XKR4: variants seen among roughly 807,000 people sequenced by gnomAD.
XKR4 encodes the protein XK related 4, also known as XK-related protein 4.
A neutral mutation model predicts 53.9 loss-of-function variants in XKR4; 12 were observed. The observed-to-expected ratio is 0.22, with a 90% CI of 0.14 to 0.36. XKR4 has a LOEUF of 0.36. XKR4 is among the 10% of genes least tolerant of loss of function. The probability of loss-of-function intolerance (pLI) is 1.00; values close to 1 mark genes in which losing one functional copy is unlikely to be tolerated. For synonymous variants in XKR4, 354 were observed against 362.4 expected (o/e 0.98, Z 0.26); for missense variants, 799 against 859.5 (o/e 0.93, Z 0.88).
intron 2 of XKR4, among the ~76,000 whole-genome samples, chr8:55,386,924 T>G (rs1367370377): frequency 1.3e-5 from 2 of 152,238 alleles, no homozygotes; most frequent in East Asian, 3.8e-4. Flanking sequence ...AACAAATGTC[T>G]ATTGCTTGTG....
In XKR4 at chr8:55,371,921, T is replaced by C. The variant is rs1804074269; in HGVS notation, c.1006+14044T>C. Among the ~76,000 whole-genome samples, 4 of 152,234 alleles carry C rather than the reference T, an allele frequency of 2.6e-5. No individual in the cohort carries two copies. The South Asian group carries it at 8.3e-4, about 31-fold the overall frequency. ...TAATATGAAATAAGGGGCCTGACTA[T>C]TTTTAGGTTCTACTTAATTATCTCC... On this transcript the variant is annotated intron_variant, in intron 2 of 2. Transcript: ENST00000327381.
At chr8:55,289,961 G>A (rs954423131) in intron 1 of XKR4, among the ~76,000 whole-genome samples, 3 of 152,102 alleles carry the variant, frequency 2.0e-5, no homozygotes, top group Admixed American at 1.3e-4. Flanking sequence ...CGCTTATAAT[G>A]TATGACTGGT....
intron 2 of XKR4, among the ~76,000 whole-genome samples, chr8:55,366,412 G>A (rs1803987211): frequency 6.6e-6 from 1 of 152,304 alleles, no homozygotes; most frequent in Non-Finnish European, 1.5e-5. Flanking sequence ...AAAAGCAGGC[G>A]CTCTAGATCA....
intron 1 of XKR4, among the ~76,000 whole-genome samples, chr8:55,240,365 G>A (rs986950263): frequency 3.0e-4 from 45 of 152,276 alleles, no homozygotes; most frequent in African/African-American, 1.1e-3. Flanking sequence ...AAGATATATA[G>A]TCCATGTGTT....
intron 1 of XKR4, among the ~76,000 whole-genome samples, chr8:55,315,150 A>G (rs908959751): frequency 6.6e-6 from 1 of 152,208 alleles, no homozygotes; most frequent in Admixed American, 6.5e-5. Context: ...AGGGAGACCT[A>G]TTTTAAATGA....
intron 1 of XKR4, among the ~76,000 whole-genome samples, chr8:55,196,175 CTTTTTTTT>C (rs1032613430): frequency 7.9e-6 from 1 of 125,946 alleles, no homozygotes. Context: ...GTTGTGCTTC[CTTTTTTTT>C]TTTTTTTTTT....
At chr8:55,451,501 G>T (rs1350877175) in intron 2 of XKR4, 3 of 1,060,706 alleles carry the variant, frequency 2.8e-6, no homozygotes, top group African/African-American at 3.1e-5. Flanking sequence ...GCCTGGAGAA[G>T]GTGCGTTCTG....
rs1051785369 is a variant in XKR4, at chr8:55,157,649, GT to G, written c.806+54363del. On this transcript the variant is annotated intron_variant, in intron 1 of 2. Transcript: ENST00000327381. ...TAATAAGCATAGTACCTGATGGGTA[GT>G]TTTTTTTATTCTCACCCTCTTCCCA... Among the ~76,000 whole-genome samples the G allele has an allele frequency of 2.6e-5, 4 of 151,992 alleles. 1 individual carries two copies. Among genetic ancestry groups the G allele is most frequent in the Middle Eastern group, 6.3e-3 (2 of 316 alleles).
chr8:55,391,620 T>C (rs1383008183), intron 2 of XKR4, among the ~76,000 whole-genome samples: 1 of 152,078 alleles, frequency 6.6e-6, no homozygotes, highest in Non-Finnish European at 1.5e-5. Flanking sequence ...ATAAAGAATA[T>C]ACAAAAGAAT....
At chr8:55,376,875 C>CCTCT (rs144607620) in intron 2 of XKR4, among the ~76,000 whole-genome samples, 3 of 148,002 alleles carry the variant, frequency 2.0e-5, no homozygotes, top group Non-Finnish European at 4.5e-5. Flanking sequence ...CATCTCTCAC[C>CCTCT]CTCTCTCTCT....
At chr8:55,222,745 T>G (rs1489589645) in intron 1 of XKR4, among the ~76,000 whole-genome samples, 1 of 152,218 alleles carries the variant, frequency 6.6e-6, no homozygotes, top group Non-Finnish European at 1.5e-5. Flanking sequence ...ACTACACATG[T>G]ATATACAAGG....
intron 2 of XKR4, among the ~76,000 whole-genome samples, chr8:55,360,107 C>G (rs1424338770): frequency 1.3e-5 from 2 of 152,134 alleles, no homozygotes; most frequent in Non-Finnish European, 2.9e-5. Flanking sequence ...AGAATCAATG[C>G]AAGTCATTGA....
chr8:55,484,699 G>C (rs1806166912), intron 2 of XKR4, among the ~76,000 whole-genome samples: 2 of 152,308 alleles, frequency 1.3e-5, no homozygotes, highest in African/African-American at 4.8e-5. Context: ...TGAATCATTA[G>C]ATTGAGTAAA....
chr8:55,252,929 T>G (rs951412689), intron 1 of XKR4, among the ~76,000 whole-genome samples: 1 of 152,134 alleles, frequency 6.6e-6, no homozygotes, highest in Non-Finnish European at 1.5e-5. Context: ...TGGGGCTCGT[T>G]GCCTTCAGCT....
At chr8:55,453,865 C>G (rs1585582108) in intron 2 of XKR4, 1 of 543,338 alleles carries the variant, frequency 1.8e-6, no homozygotes, top group East Asian at 4.8e-5. Flanking sequence ...CAAACAGGTC[C>G]GTGGGGCAGT....
At chr8:55,348,560 T>C (rs1803682208) in intron 1 of XKR4, among the ~76,000 whole-genome samples, 1 of 152,178 alleles carries the variant, frequency 6.6e-6, no homozygotes, top group Non-Finnish European at 1.5e-5. Context: ...CTCTCCCCAG[T>C]GTCAGAAGTG....
At chr8:55,421,784 T>C (rs2129392510) in intron 2 of XKR4, among the ~76,000 whole-genome samples, 1 of 152,304 alleles carries the variant, frequency 6.6e-6, no homozygotes, top group Non-Finnish European at 1.5e-5. Context: ...AGTGAGTAAA[T>C]ACTGATTTCA....
chr8:55,351,498 T>C (rs1436435322), intron 1 of XKR4, among the ~76,000 whole-genome samples: 1 of 152,140 alleles, frequency 6.6e-6, no homozygotes, highest in East Asian at 1.9e-4. Context: ...GCTGGGAGTA[T>C]ACATAGCCTT....
chr8:55,520,412 C>T (rs1486237472), intron 2 of XKR4, among the ~76,000 whole-genome samples: 8 of 152,196 alleles, frequency 5.3e-5, no homozygotes, highest in Non-Finnish European at 1.0e-4. Flanking sequence ...ATGGTGAAAC[C>T]CCCTCTCTAC....
Sources: allele counts gnomAD v4.1 joint callset (sites outside exome capture counted in the v4.1 genomes callset), GRCh38; gene constraint gnomAD v4.1.1; transcripts MANE v1.5; gene names NCBI Gene and HGNC (gene_info 2026-07-23, HGNC 2026-07-21).